Variants in FAM81B observed in about 807,000 individuals in gnomAD.
FAM81B encodes protein FAM81B.
Under a neutral mutation model 58.7 loss-of-function variants are expected in FAM81B, and 60 were observed. The observed-to-expected ratio is 1.02, with a 90% CI of 0.83 to 1.27. The LOEUF (loss-of-function observed/expected upper bound fraction) is 1.27. FAM81B is among the 50% of genes most tolerant of loss of function. FAM81B has a pLI of 0.00. For missense variants in FAM81B, 491 were observed against 522.0 expected, an observed-to-expected ratio of 0.94 and a Z score of 0.58; for synonymous variants, 189 against 179.6, an observed-to-expected ratio of 1.05 and a Z score of -0.42.
rs2152764773 is a variant in FAM81B, at chr5:95,420,310, A to G, written c.564A>G (p.Arg188=). 1 of 1,613,872 alleles carries G rather than the reference A, an allele frequency of 6.2e-7. No individual in the cohort carries two copies. The highest frequency in any genetic ancestry group is 1.3e-5 in the African/African-American group (1 of 75,060). The change falls in exon 5 of 10, where the codon CGA becomes CGG. Residue 188 remains arginine, a synonymous_variant. Transcript: ENST00000283357. ...IEILEDQIRA[R]DQAATGTNFA... Reference sequence around the variant, plus strand: ...TTTTAGAAGACCAAATAAGAGCTCGAGATCAGGCGGCCACAGGAACTAACT... The same window carrying G: ...TTTTAGAAGACCAAATAAGAGCTCGGGATCAGGCGGCCACAGGAACTAACT...
At chr5:95,435,458 G>A (rs1386317688) in intron 6 of FAM81B, among the ~76,000 whole-genome samples, 1 of 152,008 alleles carries the variant, frequency 6.6e-6, no homozygotes, top group Non-Finnish European at 1.5e-5. Context: ...TGGGCACTGG[G>A]AAAAAATGAA....
chr5:95,407,093 C>G (rs1218759300), intron 3 of FAM81B, among the ~76,000 whole-genome samples: 3 of 152,128 alleles, frequency 2.0e-5, no homozygotes, highest in African/African-American at 7.2e-5. Flanking sequence ...GGACCAAAGT[C>G]TGCTCTGTGA....
At chr5:95,399,504 G>A (rs181766841) in intron 3 of FAM81B, among the ~76,000 whole-genome samples, 60 of 151,326 alleles carry the variant, frequency 4.0e-4, no homozygotes, top group Non-Finnish European at 1.5e-4. Flanking sequence ...ACCTGTGATG[G>A]GCAAGGCTCT....
intron 4 of FAM81B, among the ~76,000 whole-genome samples, chr5:95,417,035 G>C (rs1561299690): frequency 1.3e-5 from 2 of 152,148 alleles, no homozygotes; most frequent in East Asian, 3.9e-4. Context: ...CGGAGACCCT[G>C]TCTCAAAATA....
intron 3 of FAM81B, chr5:95,397,164 T>G (rs1194277067): frequency 1.3e-5 from 2 of 152,218 alleles, no homozygotes; most frequent in Admixed American, 1.3e-4. Flanking sequence ...CCAGTTAAAT[T>G]TAATACATTC....
intron 4 of FAM81B, among the ~76,000 whole-genome samples, chr5:95,418,209 G>C (rs758451217): frequency 1.6e-4 from 25 of 152,164 alleles, no homozygotes; most frequent in Non-Finnish European, 3.4e-4. Context: ...TAGTCACTCA[G>C]TAGCCTGTTG....
chr5:95,422,326 G>T (rs1393668029), intron 5 of FAM81B, among the ~76,000 whole-genome samples: 2 of 149,724 alleles, frequency 1.3e-5, no homozygotes, highest in Non-Finnish European at 3.0e-5. Flanking sequence ...ATAATATATA[G>T]AAATATTTAT....
At chr5:95,420,233 C>T in intron 4 of FAM81B, 51 bp from the exon 5 acceptor site, 2 of 1,608,560 alleles carry the variant, frequency 1.2e-6, no homozygotes, top group Non-Finnish European at 1.7e-6. Context: ...AATGATGTTT[C>T]CTTATCATGT....
chr5:95,429,473 A>G (rs1233229915), intron 6 of FAM81B, among the ~76,000 whole-genome samples: 1 of 152,214 alleles, frequency 6.6e-6, no homozygotes, highest in Non-Finnish European at 1.5e-5. Context: ...ATCCTCTGGA[A>G]ATTGGAAATA....
chr5:95,436,809 C>G lies in FAM81B; in HGVS notation c.796C>G (p.Leu266Val). 1 of 1,612,032 alleles carries G rather than the reference C, an allele frequency of 6.2e-7. No homozygotes were observed. Among genetic ancestry groups the G allele is most frequent in the Non-Finnish European group, 8.5e-7 (1 of 1,178,078 alleles). The change falls in exon 7 of 10, where the codon CTC (leucine) becomes GTC (valine). Residue 266 changes from leucine (L) to valine (V), a missense_variant. By Grantham distance (32) the Leu-to-Val change is conservative. Transcript: ENST00000283357. ...CTCGTACTTTGACTAGGTGATGCAG[C>G]TCTTAGGAAAGATAGAAACTGCCAG... ...SKNLDMKVMQ[L>V]LGKIETASSE... is the part of the protein sequence containing the mutation.
chr5:95,423,244 T>G (rs952180812), intron 5 of FAM81B, among the ~76,000 whole-genome samples: 1 of 152,230 alleles, frequency 6.6e-6, no homozygotes, highest in Non-Finnish European at 1.5e-5. Flanking sequence ...TTTTACACTT[T>G]ATTTCCCATG....
At chr5:95,426,952 G>A (rs1038500110) in intron 5 of FAM81B, among the ~76,000 whole-genome samples, 1 of 152,206 alleles carries the variant, frequency 6.6e-6, no homozygotes, top group Non-Finnish European at 1.5e-5. Flanking sequence ...GGGAGGGTGA[G>A]GCAGGAGAAT....
rs767733249 is a variant in FAM81B at position 95,414,116 on chromosome 5, C to T, written c.463C>T (p.Leu155Phe). ...GTHGFRKEES[L>F]ARKLLESHIQ... The stretch of plus-strand genomic sequence containing the variant: ...CCATGGCTTTCGAAAAGAGGAATCG[C>T]TCGCCAGGAAGTTACTGGAAAGCCA... The change falls in exon 4 of 10, where the codon CTC becomes TTC. Residue 155 changes from leucine (L) to phenylalanine (F), a missense_variant. By Grantham distance (22) the Leu-to-Phe change is conservative. Transcript: ENST00000283357. 5.6e-6 allele frequency: 9 copies of T among 1,614,094 alleles called. No individual in the cohort carries two copies. The Admixed American group carries it at 1.5e-4, about 27-fold the overall frequency.
rs375027340 is a variant in FAM81B at position 95,414,018 on chromosome 5, C to T, written c.365C>T (p.Ala122Val). The change falls in exon 4 of 10, where the codon GCG becomes GTG. Residue 122 changes from alanine (A) to valine (V), a missense_variant. By Grantham distance (64) the Ala-to-Val change is moderately conservative. Transcript: ENST00000283357. Reference protein sequence around the residue: ...GQLEDRLNNQARTIAFLLEQA... With the variant: ...GQLEDRLNNQVRTIAFLLEQA... ...CTAGAAGACAGACTGAACAACCAGG[C>T]GCGTACCATAGCTTTCCTTCTTGAA... The T allele has an allele frequency of 8.1e-6, 13 of 1,613,924 alleles. No individual in the cohort carries two copies. The highest frequency in any genetic ancestry group is 5.3e-5 in the African/African-American group (4 of 74,862).
intron 7 of FAM81B, among the ~76,000 whole-genome samples, chr5:95,444,387 G>A (rs1266249462): frequency 6.6e-6 from 1 of 152,156 alleles, no homozygotes; most frequent in African/African-American, 2.4e-5. Flanking sequence ...AGAATAGGAA[G>A]TTTCAAATAA....
chr5:95,409,450 C>T (rs1382778204), intron 3 of FAM81B, among the ~76,000 whole-genome samples: 1 of 123,096 alleles, frequency 8.1e-6, no homozygotes, highest in Non-Finnish European at 1.9e-5. Flanking sequence ...TGAGCCACCA[C>T]GCCTGGCCTG....
intron 3 of FAM81B, among the ~76,000 whole-genome samples, chr5:95,403,794 C>T (rs964039250): frequency 2.6e-5 from 4 of 152,220 alleles, no homozygotes; most frequent in African/African-American, 9.6e-5. Flanking sequence ...AGCCCCATAG[C>T]AGGTTTCTCT....
At chr5:95,420,139 C>G (rs889708454) in intron 4 of FAM81B, 145 bp from the exon 5 acceptor site, 5 of 922,416 alleles carry the variant, frequency 5.4e-6, no homozygotes, top group Non-Finnish European at 8.1e-6. Flanking sequence ...GCAGAGATCA[C>G]TTCTCTCTGA....
chr5:95,448,399 A>G lies in FAM81B; in HGVS notation c.1160A>G (p.Lys387Arg), dbSNP rs775481994. The G allele has an allele frequency of 6.2e-7, 1 of 1,613,062 alleles. No individual in the cohort carries two copies. ...CATATGGAAAATAAATTGTCCAAAAAGATGGAACAAATGGAAAAGCAGATC... is the reference window on the plus strand; with the variant it reads ...CATATGGAAAATAAATTGTCCAAAAGGATGGAACAAATGGAAAAGCAGATC... ...VKHMENKLSK[K>R]MEQMEKQIWG... The change falls in exon 9 of 10, where the codon AAG becomes AGG. Residue 387 changes from lysine (K) to arginine (R), a missense_variant. Lys to Arg is a conservative substitution (Grantham distance 26). Coordinates refer to ENST00000283357, the MANE Select transcript of FAM81B (RefSeq NM_152548.3).
Sources: allele counts gnomAD v4.1 joint callset (sites outside exome capture counted in the v4.1 genomes callset), GRCh38; gene constraint gnomAD v4.1.1; transcripts MANE v1.5; gene names NCBI Gene and HGNC (gene_info 2026-07-23, HGNC 2026-07-21).